The following PI4KA variants were observed in gnomAD, a reference collection of about 807,000 sequenced individuals.
The protein encoded by PI4KA is PI4-kinase alpha.
In PI4KA, 122 loss-of-function variants were observed where a neutral mutation model predicts 271.4. That is an observed-to-expected ratio of 0.45 (90% confidence interval 0.39 to 0.52). The LOEUF is 0.52. Ranked by LOEUF, PI4KA falls within the 20% of genes least tolerant of loss-of-function variation. The probability of loss-of-function intolerance (pLI) is 0.00; values close to 1 mark genes in which losing one functional copy is unlikely to be tolerated. For synonymous variants in PI4KA, 1,041 were observed against 1,078.8 expected, an observed-to-expected ratio of 0.96 and a Z score of 0.69; for missense variants, 1,969 against 2,769.1, an observed-to-expected ratio of 0.71 and a Z score of 6.48.
chr22:20,725,000 G>A (rs187877028), intron 42 of PI4KA, among the ~76,000 whole-genome samples: 22 of 152,358 alleles, frequency 1.4e-4, no homozygotes, highest in African/African-American at 5.1e-4. Flanking sequence ...CGCAGAGAGT[G>A]TGGCACTACC....
intron 1 of PI4KA, among the ~76,000 whole-genome samples, chr22:20,852,273 G>C (rs1040687841): frequency 6.6e-6 from 1 of 152,244 alleles, no homozygotes; most frequent in Non-Finnish European, 1.5e-5. Context: ...AACACAGACA[G>C]CAGAAAAGAG....
intron 23 of PI4KA, among the ~76,000 whole-genome samples, chr22:20,758,450 C>CT (rs1293464878): frequency 4.4e-5 from 4 of 91,086 alleles, no homozygotes; most frequent in East Asian, 4.0e-4. Context: ...TGTGATTTTT[C>CT]TTTCTTTTCT....
chr22:20,813,653 C>T (rs1921364155), intron 7 of PI4KA, 147 bp from the exon 8 acceptor site: 1 of 672,410 alleles, frequency 1.5e-6, no homozygotes, highest in Non-Finnish European at 2.5e-6. Context: ...TTAACAACTA[C>T]AGGGTAGATT....
rs368316311 is a variant in PI4KA, at chr22:20,826,415, G to A, written c.368-2001C>T. ...TTTTTATGGCTACACAGTACTCCAC[G>A]GTACACATACGACATTTTCTTTATC... On this transcript the variant is annotated intron_variant, in intron 3 of 54. Coordinates refer to ENST00000255882, the MANE Select transcript of PI4KA (RefSeq NM_058004.4). Among the ~76,000 whole-genome samples the A allele has an allele frequency of 3.9e-5, 6 of 151,990 alleles. No homozygotes were observed. The South Asian group carries it at 1.2e-3, about 32-fold the overall frequency.
chr22:20,740,674 G>GGAT (rs1326457744), intron 32 of PI4KA, among the ~76,000 whole-genome samples: 1 of 152,114 alleles, frequency 6.6e-6, no homozygotes, highest in Non-Finnish European at 1.5e-5. Context: ...AGTCATCCTT[G>GGAT]GTATCCTCAG....
intron 28 of PI4KA, 146 bp downstream of exon 28, chr22:20,749,759 A>C: frequency 3.1e-3 from 1,521 of 495,352 alleles, no homozygotes; most frequent in East Asian, 7.5e-3. Flanking sequence ...CCTCTGAGGC[A>C]TCTATTATTC....
intron 32 of PI4KA, among the ~76,000 whole-genome samples, chr22:20,738,595 G>A (rs540518603): frequency 6.6e-6 from 1 of 152,178 alleles, no homozygotes; most frequent in South Asian, 2.1e-4. Context: ...CAGAGACAGG[G>A]AGTGAGGACC....
Position 20,818,017 on chromosome 22 carries a change from T to C in PI4KA, c.856+466A>G, listed in dbSNP as rs148267559. 4.4e-3 allele frequency among the ~76,000 whole-genome samples: 663 copies of C among 151,944 alleles called. 4 individuals are homozygous for C. Among genetic ancestry groups the C allele is most frequent in the Middle Eastern group, 6.8e-3 (2 of 292 alleles). On this transcript the variant is annotated intron_variant, in intron 7 of 54. Transcript: ENST00000255882. ...GTGTGTGCCTGTAATCCCAGCTACT[T>C]GGGAGGCTGAGGCAAGAGAATTGCT...
rs1275789641 is a variant in PI4KA at position 20,744,731 on chromosome 22, A to G, written c.3364-11T>C. 6.2e-7 allele frequency: 1 copy of G among 1,608,480 alleles called. No individual in the cohort carries two copies. Reference sequence around the variant, plus strand: ...GCTCAGCTGAGTTGCCTACAGACAGATAACCATTATTGTAGACTATGGCAG... The same window carrying G: ...GCTCAGCTGAGTTGCCTACAGACAGGTAACCATTATTGTAGACTATGGCAG... On this transcript the variant is annotated splice_polypyrimidine_tract_variant and intron_variant, in intron 29 of 54. Coordinates refer to ENST00000255882, the MANE Select transcript of PI4KA (RefSeq NM_058004.4).
At chr22:20,752,247 G>A (rs1452898346) in intron 25 of PI4KA, among the ~76,000 whole-genome samples, 1 of 152,150 alleles carries the variant, frequency 6.6e-6, no homozygotes, top group African/African-American at 2.4e-5. Context: ...CACACGCCAC[G>A]TGTGTGCTGG....
intron 32 of PI4KA, among the ~76,000 whole-genome samples, chr22:20,741,825 C>G (rs1185738648): frequency 6.6e-6 from 1 of 152,172 alleles, no homozygotes; most frequent in Non-Finnish European, 1.5e-5. Flanking sequence ...CTTGTGGGCA[C>G]CCCCTGCAGT....
Position 20,802,132 on chromosome 22 carries a change from C to G in PI4KA, c.1592-27G>C, listed in dbSNP as rs375263777. The G allele has an allele frequency of 1.4e-5, 23 of 1,598,884 alleles. No homozygotes were observed. The Admixed American group carries it at 3.9e-4, about 27-fold the overall frequency. ...TGAAAGTAAAAAATTCAAATATATA[C>G]CTAGTTAGGCCTATCATTTTCCATC... is the stretch of plus-strand genomic sequence containing the variant. On this transcript the variant is annotated intron_variant, in intron 13 of 54. Coordinates refer to ENST00000255882, the MANE Select transcript of PI4KA (RefSeq NM_058004.4).
chr22:20,709,464 C>T (rs1410470170), intron 53 of PI4KA, 85 bp from the exon 54 acceptor site: 16 of 757,580 alleles, frequency 2.1e-5, no homozygotes, highest in Middle Eastern at 3.6e-4. Flanking sequence ...TCCATGGGGA[C>T]GGACTTCAGC....
chr22:20,795,261 C>A (rs1934912860), intron 18 of PI4KA, among the ~76,000 whole-genome samples: 1 of 151,664 alleles, frequency 6.6e-6, no homozygotes, highest in African/African-American at 2.4e-5. Flanking sequence ...AACTCATATT[C>A]CTTTCCTTAT....
rs1601345578 is a variant in PI4KA at position 20,727,811 on chromosome 22, T to G, written c.4736A>C (p.Asp1579Ala). 6.2e-7 allele frequency: 1 copy of G among 1,614,090 alleles called. No individual in the cohort carries two copies. The highest frequency in any genetic ancestry group is 8.5e-7 in the Non-Finnish European group (1 of 1,179,984). ...AGGCACATCACTAACGGCTCCCGGGTCCAACCGAACGAGACGGGTCACTTC... is the reference window on the plus strand; with the variant it reads ...AGGCACATCACTAACGGCTCCCGGGGCCAACCGAACGAGACGGGTCACTTC... ...GNEVTRLVRL[D>A]PGAVSDVPEA... Residue 1579 changes from aspartate (D) to alanine (A), a missense_variant, in exon 40 of 55, where the codon GAC (aspartate) becomes GCC (alanine). By Grantham distance (126) the Asp-to-Ala change is moderately radical (BLOSUM62 -2). This residue lies in a region of PI4KA where 388 missense variants were observed against 521.5 expected (regional missense o/e 0.74). Coordinates refer to ENST00000255882, the MANE Select transcript of PI4KA (RefSeq NM_058004.4).
chr22:20,858,788 C>T lies in PI4KA; in HGVS notation c.-63G>A, dbSNP rs1410550687. 7 of 1,366,842 alleles carry T rather than the reference C, an allele frequency of 5.1e-6. No homozygotes were observed. Among genetic ancestry groups the T allele is most frequent in the African/African-American group, 3.1e-5 (2 of 65,444 alleles). The allele number at this position is 1,366,842 out of a possible 1,614,324, so 84.7% of individuals were successfully genotyped here. Reference sequence around the variant, plus strand: ...CTCCTGGCCCGCGAGCGCCCGACCTCAGGGCGCAGGCGTAGGTGCATCCGG... The same window carrying T: ...CTCCTGGCCCGCGAGCGCCCGACCTTAGGGCGCAGGCGTAGGTGCATCCGG... On this transcript the variant is annotated 5_prime_UTR_variant, in exon 1 of 55. Coordinates refer to ENST00000255882, the MANE Select transcript of PI4KA (RefSeq NM_058004.4).
At chr22:20,849,173 A>G (rs5752131) in intron 1 of PI4KA, among the ~76,000 whole-genome samples, 10,577 of 152,308 alleles carry the variant, frequency 0.069, 355 homozygotes, top group East Asian at 0.079. Context: ...TAGGATGGCT[A>G]TAACTGGAAA....
Position 20,858,667 on chromosome 22 carries a change from G to C in PI4KA, c.59C>G (p.Ser20Cys). Reference protein sequence around the residue: ...GGGGGGGGGCSGSGSSASRGF... With the variant: ...GGGGGGGGGCCGSGSSASRGF... ...CCGCGAGGCGCTGGAGCCGGAGCCG[G>C]AGCAGCCGCCGCCGCCTCCGCCTCC... The change falls in exon 1 of 55, where the codon TCC becomes TGC. Residue 20 changes from serine (S) to cysteine (C), a missense_variant. This residue lies in a region of PI4KA where 540 missense variants were observed against 555.5 expected (regional missense o/e 0.97). Coordinates refer to ENST00000255882, the MANE Select transcript of PI4KA (RefSeq NM_058004.4). 1 of 1,474,756 alleles carries C rather than the reference G, an allele frequency of 6.8e-7. No individual in the cohort carries two copies. Among genetic ancestry groups the C allele is most frequent in the Non-Finnish European group, 8.9e-7 (1 of 1,120,110 alleles). 91.4% of individuals were successfully genotyped at this position (1,474,756 alleles called of 1,614,324 possible). A position where few individuals can be genotyped will look rare whatever the true frequency, so the allele number is the denominator to read the frequency against.
At chr22:20,846,263 CAAAAAAAA>C (rs361641) in intron 1 of PI4KA, among the ~76,000 whole-genome samples, 2 of 82,098 alleles carry the variant, frequency 2.4e-5, no homozygotes, top group Non-Finnish European at 4.8e-5. Context: ...GACTCTATCT[CAAAAAAAA>C]AAAAAAAAAA....
Sources: gnomAD v4.1 joint callset for allele counts (sites outside exome capture counted in the v4.1 genomes callset) on GRCh38, gnomAD v4.1.1 for gene constraint, gnomAD v4.1.1 regional missense constraint, MANE v1.5 for transcripts, NCBI Gene and HGNC (gene_info 2026-07-23, HGNC 2026-07-21) for gene names.